Variants in LRP1B observed in about 807,000 individuals in gnomAD.
LRP1B encodes the protein LDL receptor related protein 1B.
In LRP1B, 217 loss-of-function variants were observed where a neutral mutation model predicts 556.6. The ratio of observed to expected loss-of-function variants is 0.39; its 90% CI spans 0.35 to 0.44. LRP1B has a LOEUF of 0.44. LRP1B is among the 20% of genes least tolerant of loss of function. The pLI, the probability that LRP1B is intolerant of heterozygous loss-of-function variation, is 1.00. For missense variants in LRP1B, 5,053 were observed against 5,620.8 expected, an observed-to-expected ratio of 0.90 and a Z score of 3.23; for synonymous variants, 2,047 against 1,865.8, an observed-to-expected ratio of 1.10 and a Z score of -2.50.
At chr2:141,029,082 C>T (rs1414925862) in intron 11 of LRP1B, among the ~76,000 whole-genome samples, 1 of 152,044 alleles carries the variant, frequency 6.6e-6, no homozygotes, top group Non-Finnish European at 1.5e-5. Flanking sequence ...GAAGAACGTT[C>T]CAGACACAGA....
chr2:141,420,525 G>T (rs1194045730), intron 3 of LRP1B, among the ~76,000 whole-genome samples: 2 of 152,184 alleles, frequency 1.3e-5, no homozygotes, highest in Admixed American at 6.5e-5. Context: ...TGCTCTCCCT[G>T]ATGTCAGTCT....
intron 1 of LRP1B, among the ~76,000 whole-genome samples, chr2:141,866,272 A>G (rs1308999299): frequency 2.0e-5 from 3 of 151,776 alleles, no homozygotes; most frequent in African/African-American, 7.3e-5. Context: ...AATTGTGAAG[A>G]CTCCACTTGT....
At chr2:140,968,626 C>T (rs2890543) in intron 18 of LRP1B, among the ~76,000 whole-genome samples, 79,865 of 151,782 alleles carry the variant, frequency 0.53, 23,009 homozygotes, top group Non-Finnish European at 0.64. Context: ...GATGTTAAGG[C>T]GTCAATTTTG....
chr2:140,754,483 GACA>G (rs1482540420), intron 35 of LRP1B, among the ~76,000 whole-genome samples: 3 of 152,080 alleles, frequency 2.0e-5, no homozygotes, highest in Non-Finnish European at 2.9e-5. Context: ...TGTGTTCTCT[GACA>G]ACAATTATTG....
chr2:140,740,012 T>TCAAAAAA (rs2104864591), intron 35 of LRP1B, among the ~76,000 whole-genome samples: 1 of 152,116 alleles, frequency 6.6e-6, no homozygotes, highest in African/African-American at 2.4e-5. Flanking sequence ...ATACAAAAAA[T>TCAAAAAA]CAAAAAACAG....
intron 2 of LRP1B, among the ~76,000 whole-genome samples, chr2:141,586,624 T>C (rs1687143335): frequency 6.6e-6 from 1 of 152,082 alleles, no homozygotes; most frequent in Admixed American, 6.6e-5. Context: ...TCAAATGCCA[T>C]TGACAAATTC....
intron 10 of LRP1B, among the ~76,000 whole-genome samples, chr2:141,050,522 G>A (rs561717606): frequency 7.2e-5 from 11 of 151,918 alleles, no homozygotes; most frequent in Non-Finnish European, 1.2e-4. Context: ...GACAGGCCCC[G>A]TTGTGTGTTG....
intron 80 of LRP1B, among the ~76,000 whole-genome samples, chr2:140,324,672 T>TTATAGAATAATTATTC (rs547541190): frequency 1.0e-3 from 154 of 152,188 alleles, no homozygotes; most frequent in African/African-American, 2.9e-3. Flanking sequence ...TTCAGAGATT[T>TTATAGAATAATTATTC]TATAGAATAA....
rs184473454 is a variant in LRP1B at position 141,004,032 on chromosome 2, A to G, written c.2503+1303T>C. Among the ~76,000 whole-genome samples, 566 of 152,192 alleles carry G rather than the reference A, an allele frequency of 3.7e-3. 2 individuals carry two copies. Among genetic ancestry groups the G allele is most frequent in the Non-Finnish European group, 6.7e-3 (454 of 67,980 alleles). ...TCTTAAATCTTAAATATCTTTTGAAAAATGCATCTTTTCTTCATCAGAAGA... is the reference window on the plus strand; with the variant it reads ...TCTTAAATCTTAAATATCTTTTGAAGAATGCATCTTTTCTTCATCAGAAGA... On this transcript the variant is annotated intron_variant, in intron 15 of 90. Coordinates refer to ENST00000389484, the MANE Select transcript of LRP1B (RefSeq NM_018557.3).
intron 7 of LRP1B, among the ~76,000 whole-genome samples, chr2:141,163,950 T>A (rs1680143289): frequency 6.6e-6 from 1 of 152,102 alleles, no homozygotes; most frequent in Non-Finnish European, 1.5e-5. Context: ...ACCTTCAAAA[T>A]TTGACATTAT....
At chr2:140,923,249 T>C (rs1175129696) in intron 20 of LRP1B, 102 bp from the exon 21 acceptor site, 2 of 829,010 alleles carry the variant, frequency 2.4e-6, no homozygotes, top group Non-Finnish European at 3.8e-6. Context: ...TTTTCTTTCT[T>C]CAGGCATTAT....
At chr2:141,083,178 T>C (rs1229398403) in intron 7 of LRP1B, among the ~76,000 whole-genome samples, 3 of 152,210 alleles carry the variant, frequency 2.0e-5, no homozygotes. Context: ...GAATCTTTCA[T>C]CTATTTAAAC....
intron 27 of LRP1B, among the ~76,000 whole-genome samples, chr2:140,860,945 C>A (rs1692769092): frequency 1.3e-5 from 2 of 152,068 alleles, no homozygotes; most frequent in African/African-American, 4.8e-5. Context: ...AGTTTGGCGG[C>A]AATGTGTAAA....
At position 140,572,736 on chromosome 2, in the gene LRP1B, T is replaced by G. The variant is rs1221401926; in HGVS notation, c.7194+25895A>C. Reference sequence around the variant, plus strand: ...AATACAGAATCAACCTAACTGTTCATCAGCAGGGCAATAGATAAAGAAAAT... The same window carrying G: ...AATACAGAATCAACCTAACTGTTCAGCAGCAGGGCAATAGATAAAGAAAAT... On this transcript the variant is annotated intron_variant, in intron 43 of 90. Coordinates refer to ENST00000389484, the MANE Select transcript of LRP1B (RefSeq NM_018557.3). 3.3e-5 allele frequency among the ~76,000 whole-genome samples: 5 copies of G among 150,416 alleles called. No homozygotes were observed. In the East Asian group the frequency reaches 9.7e-4, roughly 29 times the overall value.
At chr2:140,588,784 C>T (rs1240704352) in intron 43 of LRP1B, among the ~76,000 whole-genome samples, 1 of 151,888 alleles carries the variant, frequency 6.6e-6, no homozygotes, top group South Asian at 2.1e-4. Flanking sequence ...ACGGTGAAAC[C>T]CTGTCTCTCC....
chr2:141,662,580 AAAAGGGCATTACCTAACAGT>A (rs1279288006), intron 2 of LRP1B, among the ~76,000 whole-genome samples: 1 of 152,188 alleles, frequency 6.6e-6, no homozygotes, highest in Non-Finnish European at 1.5e-5. Context: ...AAAAAAGACA[AAAAGGGCATTACCTAACAGT>A]AAAGGGCTCA....
At chr2:142,072,516 C>G (rs1336847022) in intron 1 of LRP1B, among the ~76,000 whole-genome samples, 1 of 152,126 alleles carries the variant, frequency 6.6e-6, no homozygotes, top group Non-Finnish European at 1.5e-5. Flanking sequence ...GCCCACAGGG[C>G]ACATGTGGCC....
intron 1 of LRP1B, among the ~76,000 whole-genome samples, chr2:141,856,791 C>G (rs2105782604): frequency 6.6e-6 from 1 of 152,192 alleles, no homozygotes; most frequent in Non-Finnish European, 1.5e-5. Context: ...TGCTGAAAAT[C>G]AGATCTCGCT....
intron 41 of LRP1B, among the ~76,000 whole-genome samples, chr2:140,624,074 CA>C (rs1407935478): frequency 6.6e-6 from 1 of 150,720 alleles, no homozygotes; most frequent in African/African-American, 2.4e-5. Context: ...ATAATAAATA[CA>C]ATGTAATTCT....
Sources: gnomAD v4.1 joint callset for allele counts (sites outside exome capture counted in the v4.1 genomes callset) on GRCh38, gnomAD v4.1.1 for gene constraint, MANE v1.5 for transcripts, NCBI Gene and HGNC (gene_info 2026-07-23, HGNC 2026-07-21) for gene names.